The following RNF17 variants were observed in gnomAD, a reference collection of about 807,000 sequenced individuals.
RNF17 encodes the protein ring finger protein 17.
RNF17 carries 31 observed loss-of-function variants against 200.5 expected under a neutral mutation model. That is an observed-to-expected ratio of 0.15 (90% CI 0.12 to 0.21). The LOEUF is 0.21. Among genes scored for constraint, RNF17 ranks in the 10% least tolerant of loss-of-function variants. RNF17 has a pLI of 1.00. For missense variants in RNF17, 1,628 were observed against 1,905.1 expected (o/e 0.85, Z 2.71); for synonymous variants, 606 against 637.8 (o/e 0.95, Z 0.75).
At chr13:24,828,415 A>G (rs969847007) in intron 16 of RNF17, among the ~76,000 whole-genome samples, 1 of 152,090 alleles carries the variant, frequency 6.6e-6, no homozygotes, top group African/African-American at 2.4e-5. Flanking sequence ...TTAAAAGTTA[A>G]TGCTAAAAGA....
the RNF17 span, among the ~76,000 whole-genome samples, chr13:24,749,818 C>T: frequency 5.2e-3 from 798 of 152,262 alleles, 8 homozygotes; most frequent in African/African-American, 0.018. Context: ...GGTGCAATGT[C>T]GGCTCACTGC....
intron 9 of RNF17, among the ~76,000 whole-genome samples, chr13:24,791,970 A>G (rs1883917547): frequency 6.6e-6 from 1 of 152,208 alleles, no homozygotes; most frequent in Admixed American, 6.5e-5. Flanking sequence ...ATTCCTCTCC[A>G]TCAGAGGGAA....
At chr13:24,791,346 G>A (rs1456778146) in intron 9 of RNF17, among the ~76,000 whole-genome samples, 3 of 152,124 alleles carry the variant, frequency 2.0e-5, no homozygotes, top group Non-Finnish European at 4.4e-5. Context: ...TGAGGCATGA[G>A]GAAAAGGGAA....
At chr13:24,800,768 A>C (rs866186464) in intron 13 of RNF17, among the ~76,000 whole-genome samples, 1 of 152,240 alleles carries the variant, frequency 6.6e-6, no homozygotes, top group African/African-American at 2.4e-5. Flanking sequence ...TGATTGGTTA[A>C]GTATCTGAGT....
At chr13:24,876,942 A>G in intron 33 of RNF17, 55 bp from the exon 34 acceptor site, 1 of 1,408,272 alleles carries the variant, frequency 7.1e-7, no homozygotes, top group South Asian at 1.4e-5. Flanking sequence ...TCTTCTAAGA[A>G]TTGGATAGTT....
At chr13:24,827,728 A>C (rs1888887717) in intron 16 of RNF17, among the ~76,000 whole-genome samples, 1 of 148,288 alleles carries the variant, frequency 6.7e-6, no homozygotes, top group African/African-American at 2.5e-5. Context: ...CAAAAAAAAA[A>C]AAACAATAGA....
chr13:24,815,652 C>A (rs564638588), intron 15 of RNF17, among the ~76,000 whole-genome samples: 1 of 152,224 alleles, frequency 6.6e-6, no homozygotes, highest in East Asian at 1.9e-4. Flanking sequence ...TTATTCCTGT[C>A]TTAAGGGAAA....
At chr13:24,772,891 G>A (rs1267112968) in intron 2 of RNF17, among the ~76,000 whole-genome samples, 2 of 152,030 alleles carry the variant, frequency 1.3e-5, no homozygotes, top group South Asian at 2.1e-4. Flanking sequence ...GATTACAGGC[G>A]TGAGCCACCG....
chr13:24,882,662 T>TC (rs1293799992), downstream of RNF17: 1 of 156,608 alleles, frequency 6.4e-6, no homozygotes, highest in Non-Finnish European at 1.4e-5. Flanking sequence ...CTATTTATAT[T>TC]CATCCACTGT....
At chr13:24,878,882 GT>G (rs754460857) in intron 34 of RNF17, among the ~76,000 whole-genome samples, 12 of 152,130 alleles carry the variant, frequency 7.9e-5, no homozygotes, top group Non-Finnish European at 1.3e-4. Context: ...ATCACAGTCA[GT>G]TTATGCATAA....
chr13:24,810,181 A>G (rs1886417969), intron 15 of RNF17, among the ~76,000 whole-genome samples: 1 of 150,242 alleles, frequency 6.7e-6, no homozygotes, highest in South Asian at 2.1e-4. Context: ...GCTGAGTTCA[A>G]TTCCTGGGTA....
intron 6 of RNF17, among the ~76,000 whole-genome samples, chr13:24,783,429 A>G (rs183712108): frequency 4.6e-5 from 7 of 152,310 alleles, no homozygotes; most frequent in Non-Finnish European, 1.0e-4. Context: ...AAACAATGTC[A>G]TTGAGATTTT....
chr13:24,873,690 C>T (rs1177039435), intron 32 of RNF17, among the ~76,000 whole-genome samples: 2 of 152,138 alleles, frequency 1.3e-5, no homozygotes, highest in African/African-American at 2.4e-5. Context: ...AACCTCTCTT[C>T]ATCCCCCCAC....
chr13:24,803,253 A>G lies in RNF17; in HGVS notation c.1949+682A>G, dbSNP rs572288184. Among the ~76,000 whole-genome samples, 6 of 152,250 alleles carry G rather than the reference A, an allele frequency of 3.9e-5. No individual in the cohort carries two copies. The South Asian group carries it at 1.0e-3, about 26-fold the overall frequency. On this transcript the variant is annotated intron_variant, in intron 14 of 35. Transcript: ENST00000255324. The stretch of plus-strand genomic sequence containing the variant: ...GTTCATGATCACTACCCTATATTCA[A>G]TGTATGAATCTAGAATAGATGTTTA...
chr13:24,878,458 G>T (rs1895093308), intron 34 of RNF17, among the ~76,000 whole-genome samples: 1 of 152,204 alleles, frequency 6.6e-6, no homozygotes, highest in Non-Finnish European at 1.5e-5. Context: ...GAAGTCCTAT[G>T]ATAGCTGTCT....
intron 18 of RNF17, among the ~76,000 whole-genome samples, chr13:24,834,542 C>T (rs1889759538): frequency 6.6e-6 from 1 of 151,884 alleles, no homozygotes; most frequent in African/African-American, 2.4e-5. Flanking sequence ...AAAGGGAGAC[C>T]CTCCTCTCCT....
chr13:24,843,530 T>A (rs1379114230), intron 19 of RNF17, among the ~76,000 whole-genome samples: 1 of 151,994 alleles, frequency 6.6e-6, no homozygotes, highest in Non-Finnish European at 1.5e-5. Flanking sequence ...AAAAAAAAAT[T>A]TTTTTTGGAT....
chr13:24,831,950 A>C lies in RNF17; in HGVS notation c.2454A>C (p.Gln818His), dbSNP rs188770571. ...EAKEKFEEKA[Q>H]DKFMTCSVIK... ...AAGAAAAATTTGAAGAAAAGGCTCA[A>C]GATAAATTTATGACATGTTCAGTTA... is the stretch of plus-strand genomic sequence containing the variant. The change falls in exon 18 of 36, where the codon CAA becomes CAC. Residue 818 changes from glutamine (Q) to histidine (H), a missense_variant. Transcript: ENST00000255324. The C allele has an allele frequency of 2.8e-5, 44 of 1,594,824 alleles. No individual in the cohort carries two copies. Among genetic ancestry groups the C allele is most frequent in the Non-Finnish European group, 3.4e-5 (40 of 1,165,158 alleles).
chr13:24,882,169 G>T (rs1388343022), downstream of RNF17: 94 of 1,894 alleles, frequency 0.05, 34 homozygotes, highest in East Asian at 0.21. Flanking sequence ...CATCTATATA[G>T]ATAGATACAT....
Sources: allele counts gnomAD v4.1 joint callset (sites outside exome capture counted in the v4.1 genomes callset), GRCh38; gene constraint gnomAD v4.1.1; transcripts MANE v1.5; gene names NCBI Gene and HGNC (gene_info 2026-07-23, HGNC 2026-07-21).